The following NUDT19 variants were observed in gnomAD, a reference collection of about 807,000 sequenced individuals.
The protein encoded by NUDT19 is acyl-coenzyme A diphosphatase NUDT19.
A neutral mutation model predicts 22.2 loss-of-function variants in NUDT19; 31 were observed. That is an observed-to-expected ratio of 1.40 (90% confidence interval 1.05 to 1.89). The LOEUF (loss-of-function observed/expected upper bound fraction) is 1.89. Ranked by LOEUF, NUDT19 falls within the 40% of genes most tolerant of loss-of-function variation. NUDT19 has a pLI of 0.00. For missense variants in NUDT19, 752 were observed against 514.2 expected (o/e 1.46, Z -4.47); for synonymous variants, 325 against 230.8 (o/e 1.41, Z -3.70).
intron 2 of NUDT19, among the ~76,000 whole-genome samples, chr19:32,710,063 A>G (rs1430678471): frequency 6.6e-6 from 1 of 151,916 alleles, no homozygotes; most frequent in East Asian, 1.9e-4. Flanking sequence ...CTTGTCACCC[A>G]GGCTGGAGTG....
rs554570224 is a variant in NUDT19, at chr19:32,692,275, C to T, written c.315C>T (p.Pro105=). The stretch of plus-strand genomic sequence containing the variant: ...GCCGCACCGCTTTCCCGTCGCTGCC[C>T]GACACCGATGACCACAAGACCGACA... ...PFSRTAFPSL[P]DTDDHKTDNT... The change falls in exon 1 of 3, where the codon CCC becomes CCT. Residue 105 remains proline, a synonymous_variant. Coordinates refer to ENST00000397061, the MANE Select transcript of NUDT19 (RefSeq NM_001105570.2). 7 of 1,592,594 alleles carry T rather than the reference C, an allele frequency of 4.4e-6. No homozygotes were observed. The highest frequency in any genetic ancestry group is 3.3e-5 in the South Asian group (3 of 90,386).
intron 1 of NUDT19, among the ~76,000 whole-genome samples, chr19:32,708,426 CAA>C (rs564998068): frequency 3.2e-4 from 29 of 91,130 alleles, no homozygotes; most frequent in Admixed American, 3.7e-4. Flanking sequence ...GACTCCGTCT[CAA>C]AAAAAAAAAA....
intron 1 of NUDT19, among the ~76,000 whole-genome samples, chr19:32,706,042 T>C (rs1388792672): frequency 6.6e-6 from 1 of 152,192 alleles, no homozygotes; most frequent in Non-Finnish European, 1.5e-5. Context: ...GTAATTGTTC[T>C]TTCTTCAGAA....
intron 1 of NUDT19, among the ~76,000 whole-genome samples, chr19:32,703,701 C>T (rs1333652157): frequency 2.4e-5 from 3 of 124,826 alleles, no homozygotes; most frequent in Non-Finnish European, 3.3e-5. Context: ...CTCACTCTGT[C>T]ACCCAGGCTG....
intron 1 of NUDT19, among the ~76,000 whole-genome samples, chr19:32,693,254 C>T (rs1395253465): frequency 1.3e-5 from 2 of 152,128 alleles, no homozygotes; most frequent in East Asian, 1.9e-4. Context: ...GGAGTTTCTT[C>T]CTTCTGGTAG....
chr19:32,697,593 T>C (rs533011444), intron 1 of NUDT19, among the ~76,000 whole-genome samples: 2 of 152,320 alleles, frequency 1.3e-5, no homozygotes, highest in East Asian at 1.9e-4. Context: ...TGGGGATCCA[T>C]ACTGACTTAC....
At chr19:32,710,133 T>G (rs1304879112) in intron 2 of NUDT19, among the ~76,000 whole-genome samples, 1 of 151,768 alleles carries the variant, frequency 6.6e-6, no homozygotes, top group Admixed American at 6.6e-5. Flanking sequence ...TGCCTCAGCC[T>G]CCCGAGTAGC....
At position 32,692,553 on chromosome 19, in the gene NUDT19, G is replaced by A. The variant is rs1420946131; in HGVS notation, c.593G>A (p.Ser198Asn). ...TPDIWALHNW[S>N]AWLTPFLRGT... ...GACATCTGGGCGCTGCACAACTGGA[G>A]CGCCTGGCTCACCCCTTTCTTGCGG... Residue 198 changes from serine to asparagine, a missense_variant, in exon 1 of 3, where the codon AGC becomes AAC. Coordinates refer to ENST00000397061, the MANE Select transcript of NUDT19 (RefSeq NM_001105570.2). 2 of 1,597,448 alleles carry A rather than the reference G, an allele frequency of 1.3e-6. No homozygotes were observed. Among genetic ancestry groups the A allele is most frequent in the Non-Finnish European group, 1.7e-6 (2 of 1,173,968 alleles).
intron 2 of NUDT19, among the ~76,000 whole-genome samples, chr19:32,710,180 T>G (rs1968430686): frequency 6.6e-6 from 1 of 151,032 alleles, no homozygotes; most frequent in Non-Finnish European, 1.5e-5. Context: ...CCTGGCTAAT[T>G]TTTTTGTATT....
At chr19:32,699,493 G>A (rs1335497892) in intron 1 of NUDT19, among the ~76,000 whole-genome samples, 2 of 152,162 alleles carry the variant, frequency 1.3e-5, no homozygotes, top group African/African-American at 2.4e-5. Context: ...GCTGGTTCCA[G>A]GCAAACCAAC....
intron 1 of NUDT19, among the ~76,000 whole-genome samples, chr19:32,693,632 A>C (rs1349951254): frequency 6.6e-6 from 1 of 151,210 alleles, no homozygotes; most frequent in Non-Finnish European, 1.5e-5. Context: ...ATTTTTACAG[A>C]GTGCGGATTG....
At chr19:32,711,388 A>G (rs1050607484) in intron 2 of NUDT19, among the ~76,000 whole-genome samples, 3 of 152,074 alleles carry the variant, frequency 2.0e-5, no homozygotes, top group Non-Finnish European at 4.4e-5. Context: ...GCTTGAGCCC[A>G]AGAGGTGGAG....
At chr19:32,706,078 G>A (rs1187917893) in intron 1 of NUDT19, among the ~76,000 whole-genome samples, 1 of 152,008 alleles carries the variant, frequency 6.6e-6, no homozygotes, top group Non-Finnish European at 1.5e-5. Flanking sequence ...TGTATACAAT[G>A]GTGAATAAAG....
intron 1 of NUDT19, among the ~76,000 whole-genome samples, chr19:32,696,415 T>TGAGTAAGGACCCCAAGAGTAAGGA (rs1968264230): frequency 4.6e-5 from 7 of 152,144 alleles, no homozygotes; most frequent in Non-Finnish European, 1.0e-4. Flanking sequence ...GTTGTGGAGT[T>TGAGTAAGGACCCCAAGAGTAAGGA]GTCCCATGAG....
intron 1 of NUDT19, among the ~76,000 whole-genome samples, chr19:32,700,488 C>G (rs1031330649): frequency 7.9e-5 from 12 of 152,206 alleles, no homozygotes; most frequent in African/African-American, 2.9e-4. Flanking sequence ...CAAGTCCCCA[C>G]TCGACCCAGG....
In NUDT19 at chr19:32,706,455, G is replaced by A. The variant is rs564507059; in HGVS notation, c.715-2730G>A. Among the ~76,000 whole-genome samples, 13 of 152,262 alleles carry A rather than the reference G, an allele frequency of 8.5e-5. No individual in the cohort carries two copies. In the East Asian group the frequency reaches 1.9e-3, roughly 23 times the overall value. ...ATCCCAACCCCTTGGGGGCCGAGGCGGGCAGATTACCTGAGGTCGGGAGTT... is the reference window on the plus strand; with the variant it reads ...ATCCCAACCCCTTGGGGGCCGAGGCAGGCAGATTACCTGAGGTCGGGAGTT... On this transcript the variant is annotated intron_variant, in intron 1 of 2. Transcript: ENST00000397061.
chr19:32,692,979 C>T (rs796929393), intron 1 of NUDT19, among the ~76,000 whole-genome samples: 7 of 152,194 alleles, frequency 4.6e-5, no homozygotes, highest in South Asian at 4.1e-4. Flanking sequence ...TCTCCACAGC[C>T]GTTTAATTTG....
In NUDT19 at chr19:32,692,690, GGCCTT is replaced by G; in HGVS notation, c.714+19_714+23del. 6.9e-7 allele frequency: 1 copy of G among 1,452,340 alleles called. No homozygotes were observed. The highest frequency in any genetic ancestry group is 9.0e-7 in the Non-Finnish European group (1 of 1,110,080). The allele number at this position is 1,452,340 out of a possible 1,614,324, so 90.0% of individuals were successfully genotyped here. On this transcript the variant is annotated intron_variant, in intron 1 of 2. Transcript: ENST00000397061. ...GGGCTACCAGGTAAGGCCTGCTCAG[GGCCTT>G]GCTGCGGACCGCCAGGACGTGAGAG...
In NUDT19 at chr19:32,692,033, T is replaced by A; in HGVS notation, c.73T>A (p.Ser25Thr). The change falls in exon 1 of 3, where the codon TCG becomes ACG. Residue 25 changes from serine to threonine, a missense_variant. Ser to Thr is a moderately conservative substitution (Grantham distance 58). Transcript: ENST00000397061. Reference sequence around the variant, plus strand: ...CAGCATCGTCCTGGCGGCTGGCTGGTCGCGCCCGGAGACCGCCACCCCGCC... The same window carrying A: ...CAGCATCGTCCTGGCGGCTGGCTGGACGCGCCCGGAGACCGCCACCCCGCC... ...AASIVLAAGW[S>T]RPETATPPSR... 1 of 1,265,228 alleles carries A rather than the reference T, an allele frequency of 7.9e-7. No individual in the cohort carries two copies. The allele number at this position is 1,265,228 out of a possible 1,614,324, so 78.4% of individuals were successfully genotyped here. A position where few individuals can be genotyped will look rare whatever the true frequency, so the allele number is the denominator to read the frequency against.
Sources: allele counts gnomAD v4.1 joint callset (sites outside exome capture counted in the v4.1 genomes callset), GRCh38; gene constraint gnomAD v4.1.1; transcripts MANE v1.5; gene names NCBI Gene and HGNC (gene_info 2026-07-23, HGNC 2026-07-21).